The following B4GAT1 variants were observed in gnomAD, a reference collection of about 807,000 sequenced individuals.
B4GAT1 encodes the protein beta-1,4-glucuronyltransferase 1.
B4GAT1 carries 18 observed loss-of-function variants against 35.0 expected under a neutral mutation model. The observed-to-expected ratio is 0.51, with a 90% CI of 0.36 to 0.76. The LOEUF is 0.76. B4GAT1 is among the 30% of genes least tolerant of loss of function. B4GAT1 has a pLI of 0.01. For missense variants in B4GAT1, 458 were observed against 555.0 expected (o/e 0.83, Z 1.76); for synonymous variants, 217 against 251.6 (o/e 0.86, Z 1.30).
Position 66,346,091 on chromosome 11 carries a change from C to T in B4GAT1, c.1206G>A (p.Gln402=), listed in dbSNP as rs771065781. ...HNKILYRQFK[Q]ELKAKYPNSP... ...AGTTGGGGTACTTGGCCTTCAACTC[C>T]TGTTTGAACTGGCGATATAGGATCT... Residue 402 remains glutamine (Q), a synonymous_variant, in exon 2 of 2, where the codon CAG becomes CAA. Coordinates refer to ENST00000311181, the MANE Select transcript of B4GAT1 (RefSeq NM_006876.3). The surrounding 1 kb of genome is among the most constrained non-coding windows in gnomAD (Gnocchi z 6.1). The T allele has an allele frequency of 6.9e-5, 112 of 1,613,710 alleles. No individual in the cohort carries two copies. The highest frequency in any genetic ancestry group is 2.3e-5 in the Non-Finnish European group (27 of 1,179,742).
Position 66,346,844 on chromosome 11 carries a change from C to T in B4GAT1, c.702G>A (p.Glu234=). Residue 234 remains glutamate (E), a synonymous_variant, in exon 1 of 2, where the codon GAG becomes GAA. Transcript: ENST00000311181. This position sits in a 1 kb window ranked among gnomAD's most constrained non-coding sequence, Gnocchi z 6.1. ...TTTCCCGCAGGCCTCTCCACAGCCC[C>T]TCGCTGGGCACCATGTCCACATCGA... ...LVIDVDMVPS[E]GLWRGLREML... is the part of the protein sequence containing the mutation. 6.2e-7 allele frequency: 1 copy of T among 1,613,860 alleles called. No individual in the cohort carries two copies.
Position 66,346,938 on chromosome 11 carries a change from GT to G in B4GAT1, c.607del (p.Thr203ProfsTer10). 1 of 1,613,264 alleles carries G rather than the reference GT, an allele frequency of 6.2e-7. No individual in the cohort carries two copies. The part of the protein sequence containing the change: ...AQPGINYALG[T>X]NVSYPNNLLR... ...CAGGTTATTGGGGTAGGAGACATTG[GT>G]GCCCAGCGCATAATTAATCCCGGGC... On this transcript the variant is annotated frameshift_variant, in exon 1 of 2. Transcript: ENST00000311181. LOFTEE classifies it high-confidence loss of function. The surrounding 1 kb of genome is among the most constrained non-coding windows in gnomAD (Gnocchi z 6.1).
rs755352375 is a variant in B4GAT1, at chr11:66,347,555, G to A, written c.-10C>T. ...CGTAGGACATCTGCATGGCTCTCGGGGCTCGGGGCGCGCAGCAACGACCAC... is the reference window on the plus strand; with the variant it reads ...CGTAGGACATCTGCATGGCTCTCGGAGCTCGGGGCGCGCAGCAACGACCAC... On this transcript the variant is annotated 5_prime_UTR_variant, in exon 1 of 2. Transcript: ENST00000311181. This position sits in a 1 kb window ranked among gnomAD's most constrained non-coding sequence, Gnocchi z 6.3. 1 of 1,310,318 alleles carries A rather than the reference G, an allele frequency of 7.6e-7. No homozygotes were observed. Among genetic ancestry groups the A allele is most frequent in the African/African-American group, 1.5e-5 (1 of 66,304 alleles). The allele number at this position is 1,310,318 out of a possible 1,614,324, so 81.2% of individuals were successfully genotyped here. A position where few individuals can be genotyped will look rare whatever the true frequency, so the allele number is the denominator to read the frequency against.
Position 66,346,678 on chromosome 11 carries a change from C to T in B4GAT1, c.868G>A (p.Gly290Arg). ...QVGEVRPFYYGLCTPCQAPTN... is the reference protein window; with the variant it reads ...QVGEVRPFYYRLCTPCQAPTN... ...GGTGCCTGGCAGGGGGTGCACAACC[C>T]ATAATAGAAGGGCCGCACCTCGCCA... The change falls in exon 1 of 2, where the codon GGG becomes AGG. Residue 290 changes from glycine (G) to arginine (R), a missense_variant. Physicochemically the swap from Gly to Arg is moderately radical, Grantham distance 125 (BLOSUM62 -2). Coordinates refer to ENST00000311181, the MANE Select transcript of B4GAT1 (RefSeq NM_006876.3). The surrounding 1 kb of genome is among the most constrained non-coding windows in gnomAD (Gnocchi z 6.1). 1.2e-6 allele frequency: 2 copies of T among 1,613,866 alleles called. No individual in the cohort carries two copies.
chr11:66,346,562 G>C lies in B4GAT1; in HGVS notation c.984C>G (p.Phe328Leu), dbSNP rs368961025. 59 of 1,613,710 alleles carry C rather than the reference G, an allele frequency of 3.7e-5. No individual in the cohort carries two copies. The highest frequency in any genetic ancestry group is 5.0e-5 in the Non-Finnish European group (59 of 1,179,902). ...TGGGCACCTTGCCTCCTGCCACGTA[G>C]AATGGCTCCCAGGGGTCCTGCCAAG... ...VVPWQDPWEPFYVAGGKVPTF... is the reference protein window; with the variant it reads ...VVPWQDPWEPLYVAGGKVPTF... The change falls in exon 1 of 2, where the codon TTC becomes TTG. Residue 328 changes from phenylalanine (F) to leucine (L), a missense_variant. Transcript: ENST00000311181. This position sits in a 1 kb window ranked among gnomAD's most constrained non-coding sequence, Gnocchi z 6.1.
Position 66,346,394 on chromosome 11 carries a change from T to C in B4GAT1, c.1056+96A>G. The C allele has an allele frequency of 6.5e-7, 1 of 1,540,658 alleles. No homozygotes were observed. Among genetic ancestry groups the C allele is most frequent in the Admixed American group, 1.9e-5 (1 of 53,022 alleles). ...CCTCCTGAACTATGATCCCTCCTGC[T>C]TCATTGCCTCCTTTCCATCCAGGGC... is the stretch of plus-strand genomic sequence containing the variant. On this transcript the variant is annotated intron_variant, in intron 1 of 1. Transcript: ENST00000311181. This position sits in a 1 kb window ranked among gnomAD's most constrained non-coding sequence, Gnocchi z 6.1.
Position 66,347,091 on chromosome 11 carries a change from C to A in B4GAT1, c.455G>T (p.Arg152Met). 6.3e-7 allele frequency: 1 copy of A among 1,583,562 alleles called. No homozygotes were observed. Among genetic ancestry groups the A allele is most frequent in the South Asian group, 1.1e-5 (1 of 87,084 alleles). Residue 152 changes from arginine (R) to methionine (M), a missense_variant, in exon 1 of 2, where the codon AGG becomes ATG. Coordinates refer to ENST00000311181, the MANE Select transcript of B4GAT1 (RefSeq NM_006876.3). The surrounding 1 kb of genome is among the most constrained non-coding windows in gnomAD (Gnocchi z 6.3). Reference sequence around the variant, plus strand: ...GGGGCACACGAGGTGCATGGCGACCCTGGCGCGCATGTCGGGGCAGTGGCT... The same window carrying A: ...GGGGCACACGAGGTGCATGGCGACCATGGCGCGCATGTCGGGGCAGTGGCT... ...LSSHCPDMRA[R>M]VAMHLVCPSR... is the part of the protein sequence containing the mutation.
Position 66,347,314 on chromosome 11 carries a change from C to T in B4GAT1, c.232G>A (p.Asp78Asn). ...AGCAGGCCCCTGTAGACGCGGTAAT[C>T]GCCGCTAGCGTCCAGGACGCCTCCA... ...ASGGVLDASG[D>N]YRVYRGLLKT... is the part of the protein sequence containing the mutation. The change falls in exon 1 of 2, where the codon GAT (aspartate) becomes AAT (asparagine). Residue 78 changes from aspartate (D) to asparagine (N), a missense_variant. Transcript: ENST00000311181. This position sits in a 1 kb window ranked among gnomAD's most constrained non-coding sequence, Gnocchi z 6.3. The T allele has an allele frequency of 1.3e-6, 2 of 1,568,778 alleles. No homozygotes were observed. The highest frequency in any genetic ancestry group is 8.6e-7 in the Non-Finnish European group (1 of 1,157,598).
In B4GAT1 at chr11:66,346,271, T is replaced by C; in HGVS notation, c.1057-31A>G. 4 of 1,605,816 alleles carry C rather than the reference T, an allele frequency of 2.5e-6. No homozygotes were observed. Among genetic ancestry groups the C allele is most frequent in the Non-Finnish European group, 3.4e-6 (4 of 1,173,802 alleles). On this transcript the variant is annotated intron_variant, in intron 1 of 1. Transcript: ENST00000311181. The surrounding 1 kb of genome is among the most constrained non-coding windows in gnomAD (Gnocchi z 6.1). ...GGAGGAAAGACAGGTTAGCAAAGTT[T>C]GATGACATTGACAGGCCTGAGACTG...
rs775465030 is a variant in B4GAT1, at chr11:66,347,467, G to A, written c.79C>T (p.Leu27=). The A allele has an allele frequency of 6.5e-6, 10 of 1,530,460 alleles. No individual in the cohort carries two copies. The highest frequency in any genetic ancestry group is 1.7e-4 in the Middle Eastern group (1 of 5,718). The allele number at this position is 1,530,460 out of a possible 1,614,324, so 94.8% of individuals were successfully genotyped here. A position where few individuals can be genotyped will look rare whatever the true frequency, so the allele number is the denominator to read the frequency against. The change falls in exon 1 of 2, where the codon CTG becomes TTG. Residue 27 remains leucine (L), a synonymous_variant. Coordinates refer to ENST00000311181, the MANE Select transcript of B4GAT1 (RefSeq NM_006876.3). The surrounding 1 kb of genome is among the most constrained non-coding windows in gnomAD (Gnocchi z 6.3). ...CCGGACAGCAGCGACAGGTAGAGCA[G>A]CTGCAGCATCGCCACCAGCATGAGC... ...AALMLVAMLQ[L]LYLSLLSGLH...
In B4GAT1 at chr11:66,346,147, G is replaced by T; in HGVS notation, c.1150C>A (p.Pro384Thr). The change falls in exon 2 of 2, where the codon CCC (proline) becomes ACC (threonine). Residue 384 changes from proline to threonine, a missense_variant. Transcript: ENST00000311181. This position sits in a 1 kb window ranked among gnomAD's most constrained non-coding sequence, Gnocchi z 6.1. Reference protein sequence around the residue: ...KGFKEALKFHPQKEAENQHNK... With the variant: ...KGFKEALKFHTQKEAENQHNK... ...TGCTGATTTTCAGCCTCCTTTTGGG[G>T]ATGGAACTTCAACGCTTCTTTGAAG... is the stretch of plus-strand genomic sequence containing the variant. 6.2e-7 allele frequency: 1 copy of T among 1,614,148 alleles called. No individual in the cohort carries two copies. Among genetic ancestry groups the T allele is most frequent in the Non-Finnish European group, 8.5e-7 (1 of 1,180,022 alleles).
At position 66,346,011 on chromosome 11, in the gene B4GAT1, C is replaced by T; in HGVS notation, c.*38G>A. 6.3e-7 allele frequency: 1 copy of T among 1,586,524 alleles called. No individual in the cohort carries two copies. Among genetic ancestry groups the T allele is most frequent in the Non-Finnish European group, 8.6e-7 (1 of 1,160,052 alleles). ...CAGGCCTAAATGGTGGCCTGAGGAG[C>T]CAAGAGGCTGACTTCTCAGATTAGG... On this transcript the variant is annotated 3_prime_UTR_variant, in exon 2 of 2. Transcript: ENST00000311181. The surrounding 1 kb of genome is among the most constrained non-coding windows in gnomAD (Gnocchi z 6.1).
chr11:66,346,339 G>C lies in B4GAT1; in HGVS notation c.1057-99C>G. On this transcript the variant is annotated intron_variant, in intron 1 of 1. Coordinates refer to ENST00000311181, the MANE Select transcript of B4GAT1 (RefSeq NM_006876.3). The surrounding 1 kb of genome is among the most constrained non-coding windows in gnomAD (Gnocchi z 6.1). The stretch of plus-strand genomic sequence containing the variant: ...GTCCAGCGTCCTCACCCCTCTGGAA[G>C]TATCCTGGATCTTCCACACCATCCA... The C allele has an allele frequency of 6.5e-7, 1 of 1,550,176 alleles. No homozygotes were observed. The highest frequency in any genetic ancestry group is 8.7e-7 in the Non-Finnish European group (1 of 1,147,684).
At position 66,345,838 on chromosome 11, in the gene B4GAT1, G is replaced by C. The variant is rs944166352; in HGVS notation, c.*211C>G. On this transcript the variant is annotated 3_prime_UTR_variant, in exon 2 of 2. Coordinates refer to ENST00000311181, the MANE Select transcript of B4GAT1 (RefSeq NM_006876.3). ...CTCCCTTTTTACAGACAGGGTAACC[G>C]AGGCTCAGAGAGGTAACGGGATTTA... 16 of 514,750 alleles carry C rather than the reference G, an allele frequency of 3.1e-5. No homozygotes were observed. The highest frequency in any genetic ancestry group is 4.4e-5 in the Non-Finnish European group (13 of 293,248). The allele number at this position is 514,750 out of a possible 1,614,324, so 31.9% of individuals were successfully genotyped here. A position where few individuals can be genotyped will look rare whatever the true frequency, so the allele number is the denominator to read the frequency against.
rs759698777 is a variant in B4GAT1, at chr11:66,347,029, G to A, written c.517C>T (p.Pro173Ser). The A allele has an allele frequency of 3.1e-6, 5 of 1,589,694 alleles. No homozygotes were observed. Among genetic ancestry groups the A allele is most frequent in the Non-Finnish European group, 3.4e-6 (4 of 1,169,516 alleles). ...YEAAVPDPRE[P>S]GEFALLRSCQ... ...GACCGCAGCAGGGCAAACTCCCCCG[G>A]CTCCCGGGGGTCGGGCACGGCTGCC... The change falls in exon 1 of 2, where the codon CCG (proline) becomes TCG (serine). Residue 173 changes from proline to serine, a missense_variant. Transcript: ENST00000311181. This position sits in a 1 kb window ranked among gnomAD's most constrained non-coding sequence, Gnocchi z 6.3.
chr11:66,346,829 G>C lies in B4GAT1; in HGVS notation c.717C>G (p.Gly239=). 1 of 1,613,648 alleles carries C rather than the reference G, an allele frequency of 6.2e-7. No homozygotes were observed. Among genetic ancestry groups the C allele is most frequent in the Non-Finnish European group, 8.5e-7 (1 of 1,179,938 alleles). Residue 239 remains glycine, a synonymous_variant, in exon 1 of 2, where the codon GGC becomes GGG. Coordinates refer to ENST00000311181, the MANE Select transcript of B4GAT1 (RefSeq NM_006876.3). This position sits in a 1 kb window ranked among gnomAD's most constrained non-coding sequence, Gnocchi z 6.1. ...TGCTCTGATCCAGCATTTCCCGCAG[G>C]CCTCTCCACAGCCCCTCGCTGGGCA... ...DMVPSEGLWR[G]LREMLDQSNQ...
Position 66,347,616 on chromosome 11 carries a change from A to C in B4GAT1, c.-71T>G. ...ACTACGCCAGCGGCCGCAAGCCCGGATTTACCGCAGCCTGCCGAGCGCAGC... is the reference window on the plus strand; with the variant it reads ...ACTACGCCAGCGGCCGCAAGCCCGGCTTTACCGCAGCCTGCCGAGCGCAGC... On this transcript the variant is annotated 5_prime_UTR_variant, in exon 1 of 2. Transcript: ENST00000311181. The surrounding 1 kb of genome is among the most constrained non-coding windows in gnomAD (Gnocchi z 6.3). The C allele has an allele frequency of 8.1e-7, 1 of 1,230,210 alleles. No individual in the cohort carries two copies. Among genetic ancestry groups the C allele is most frequent in the Admixed American group, 4.2e-5 (1 of 23,556 alleles). The allele number at this position is 1,230,210 out of a possible 1,614,324, so 76.2% of individuals were successfully genotyped here.
rs1855217620 is a variant in B4GAT1 at position 66,346,564 on chromosome 11, A to G, written c.982T>C (p.Phe328Leu). The G allele has an allele frequency of 2.5e-6, 4 of 1,613,808 alleles. No homozygotes were observed. In the East Asian group the frequency reaches 6.7e-5, roughly 27 times the overall value. ...VVPWQDPWEP[F>L]YVAGGKVPTF... ...GGCACCTTGCCTCCTGCCACGTAGAATGGCTCCCAGGGGTCCTGCCAAGGT... is the reference window on the plus strand; with the variant it reads ...GGCACCTTGCCTCCTGCCACGTAGAGTGGCTCCCAGGGGTCCTGCCAAGGT... The change falls in exon 1 of 2, where the codon TTC (phenylalanine) becomes CTC (leucine). Residue 328 changes from phenylalanine to leucine, a missense_variant. Coordinates refer to ENST00000311181, the MANE Select transcript of B4GAT1 (RefSeq NM_006876.3). The surrounding 1 kb of genome is among the most constrained non-coding windows in gnomAD (Gnocchi z 6.1).
rs1313265858 is a variant in B4GAT1 at position 66,346,260 on chromosome 11, T to A, written c.1057-20A>T. On this transcript the variant is annotated intron_variant, in intron 1 of 1. Transcript: ENST00000311181. The surrounding 1 kb of genome is among the most constrained non-coding windows in gnomAD (Gnocchi z 6.1). ...GCAGGCCTGCAGGAGGAAAGACAGG[T>A]TAGCAAAGTTTGATGACATTGACAG... 1 of 1,607,808 alleles carries A rather than the reference T, an allele frequency of 6.2e-7. No individual in the cohort carries two copies. Among genetic ancestry groups the A allele is most frequent in the Non-Finnish European group, 8.5e-7 (1 of 1,175,294 alleles).
Sources: gnomAD v4.1 joint callset for allele counts on GRCh38, gnomAD v4.1.1 for gene constraint, Gnocchi (gnomAD v3.1) non-coding constraint, MANE v1.5 for transcripts, NCBI Gene and HGNC (gene_info 2026-07-23, HGNC 2026-07-21) for gene names.